The following SLC38A11 variants were observed in gnomAD, a reference collection of about 807,000 sequenced individuals.
The protein encoded by SLC38A11 is solute carrier family 38 member 11.
Under a neutral mutation model 49.4 loss-of-function variants are expected in SLC38A11, and 51 were observed. The observed-to-expected ratio is 1.03, with a 90% CI of 0.83 to 1.30. SLC38A11 has a LOEUF of 1.30. Among genes scored for constraint, SLC38A11 ranks in the 50% most tolerant of loss-of-function variants. The pLI, the probability that SLC38A11 is intolerant of heterozygous loss-of-function variation, is 0.00. For synonymous variants in SLC38A11, 203 were observed against 192.9 expected (o/e 1.05, Z -0.43); for missense variants, 574 against 556.2 (o/e 1.03, Z -0.32).
intron 9 of SLC38A11, among the ~76,000 whole-genome samples, chr2:164,914,053 G>A (rs865807823): frequency 1.3e-5 from 2 of 151,988 alleles, no homozygotes; most frequent in East Asian, 1.9e-4. Flanking sequence ...GAGGGTCATG[G>A]TTGACCAAAA....
Position 164,951,701 on chromosome 2 carries a change from A to G in SLC38A11, c.229+1006T>C, listed in dbSNP as rs74580801. ...TGGAGGATCTCTAGAAGCAGAGCTG[A>G]GACAGACATTCTTGGGCAAGGGGTC... On this transcript the variant is annotated intron_variant, in intron 3 of 11. Coordinates refer to ENST00000685975, the MANE Select transcript of SLC38A11 (RefSeq NM_001351537.2). Among the ~76,000 whole-genome samples, 180 of 152,294 alleles carry G rather than the reference A, an allele frequency of 1.2e-3. 13 individuals carry two copies. In the East Asian group the frequency reaches 0.034, roughly 29 times the overall value.
chr2:164,931,537 A>G (rs1026496797), intron 7 of SLC38A11, among the ~76,000 whole-genome samples: 3 of 152,178 alleles, frequency 2.0e-5, no homozygotes, highest in African/African-American at 4.8e-5. Context: ...AAAGGGCTAC[A>G]GTAAGCAAAA....
chr2:164,926,324 CA>C (rs2105479028), intron 7 of SLC38A11, among the ~76,000 whole-genome samples: 1 of 152,334 alleles, frequency 6.6e-6, no homozygotes, highest in East Asian at 1.9e-4. Flanking sequence ...TCTCTAGGCT[CA>C]TTTCCTTTTA....
At chr2:164,945,569 T>C (rs746189799) in intron 4 of SLC38A11, 24 bp downstream of exon 4, 7 of 1,575,106 alleles carry the variant, frequency 4.4e-6, no homozygotes, top group Admixed American at 4.2e-5. Flanking sequence ...ATAATTGCAA[T>C]ATTTATCTTC....
At position 164,915,960 on chromosome 2, in the gene SLC38A11, C is replaced by T. The variant is rs1404777362; in HGVS notation, c.631G>A (p.Asp211Asn). ...SLGPHIPKTE[D>N]AWVFAKPNAI... ...TTGGGCTTTGCAAATACCCAAGCGT[C>T]TTCTGTTTTTGGTCTAGAAGAAAAA... is the stretch of plus-strand genomic sequence containing the variant. Residue 211 changes from aspartate (D) to asparagine (N), a missense_variant, in exon 8 of 12, where the codon GAC becomes AAC. Transcript: ENST00000685975. 6.3e-7 allele frequency: 1 copy of T among 1,592,020 alleles called. No homozygotes were observed. Among genetic ancestry groups the T allele is most frequent in the African/African-American group, 1.3e-5 (1 of 74,772 alleles).
chr2:164,917,864 C>T (rs952031203), intron 7 of SLC38A11, among the ~76,000 whole-genome samples: 2 of 151,724 alleles, frequency 1.3e-5, no homozygotes, highest in African/African-American at 2.4e-5. Context: ...GGTATATTCC[C>T]GGAGTGTGAA....
At chr2:164,942,246 C>T (rs777065801) in intron 5 of SLC38A11, among the ~76,000 whole-genome samples, 4 of 151,782 alleles carry the variant, frequency 2.6e-5, no homozygotes, top group Non-Finnish European at 2.9e-5. Flanking sequence ...CTCAGGAGTT[C>T]GAGACAAGCC....
chr2:164,947,805 A>G (rs1688241345), intron 3 of SLC38A11, among the ~76,000 whole-genome samples: 1 of 152,180 alleles, frequency 6.6e-6, no homozygotes, highest in Non-Finnish European at 1.5e-5. Flanking sequence ...CATCAGAAAT[A>G]TTCAAATGTA....
At position 164,901,805 on chromosome 2, in the gene SLC38A11, C is replaced by A. The variant is rs538657925; in HGVS notation, c.1096-3075G>T. 1.1e-4 allele frequency among the ~76,000 whole-genome samples: 16 copies of A among 151,956 alleles called. No homozygotes were observed. In the South Asian group the frequency reaches 3.3e-3, roughly 32 times the overall value. ...CCAGTACTATGTTGAAGAGAAGTGG[C>A]GAGAGTGGGTATCCTTACCTTTTAT... On this transcript the variant is annotated intron_variant, in intron 11 of 11. Coordinates refer to ENST00000685975, the MANE Select transcript of SLC38A11 (RefSeq NM_001351537.2).
At chr2:164,942,400 T>C (rs1319464326) in intron 5 of SLC38A11, among the ~76,000 whole-genome samples, 2 of 139,254 alleles carry the variant, frequency 1.4e-5, no homozygotes, top group Non-Finnish European at 3.0e-5. Flanking sequence ...GCCACTGCAC[T>C]CTAGCCTGGG....
chr2:164,908,639 C>T lies in SLC38A11; in HGVS notation c.1095+1G>A, dbSNP rs1685184316. 6.5e-7 allele frequency: 1 copy of T among 1,543,574 alleles called. No individual in the cohort carries two copies. The highest frequency in any genetic ancestry group is 8.8e-7 in the Non-Finnish European group (1 of 1,140,180). ...AGGGGTAAATCTTTGCACGTACTCA[C>T]ATTGAGTTCTAGAACTATCCCGAGG... On this transcript the variant is annotated splice_donor_variant, in intron 11 of 11. Transcript: ENST00000685975. LOFTEE classifies it high-confidence loss of function.
intron 7 of SLC38A11, among the ~76,000 whole-genome samples, chr2:164,919,192 T>C (rs902529058): frequency 6.6e-6 from 1 of 151,986 alleles, no homozygotes; most frequent in African/African-American, 2.4e-5. Context: ...TAGCCAGGCA[T>C]GATGGTGTGT....
intron 7 of SLC38A11, among the ~76,000 whole-genome samples, chr2:164,920,372 A>G (rs576980776): frequency 2.6e-5 from 4 of 152,088 alleles, no homozygotes; most frequent in Non-Finnish European, 5.9e-5. Flanking sequence ...TTTAACTTAA[A>G]CCCCCATGCA....
At chr2:164,926,505 A>G (rs1300672055) in intron 7 of SLC38A11, among the ~76,000 whole-genome samples, 3 of 152,140 alleles carry the variant, frequency 2.0e-5, no homozygotes, top group Non-Finnish European at 2.9e-5. Context: ...GTGAAACAAT[A>G]CTAAGAGGTG....
chr2:164,918,336 T>C (rs1174696972), intron 7 of SLC38A11, among the ~76,000 whole-genome samples: 1 of 152,114 alleles, frequency 6.6e-6, no homozygotes, highest in Non-Finnish European at 1.5e-5. Flanking sequence ...ATAGCTGTTA[T>C]ATTAATAGAT....
chr2:164,942,088 C>T (rs1336810256), intron 5 of SLC38A11, among the ~76,000 whole-genome samples: 2 of 151,926 alleles, frequency 1.3e-5, no homozygotes, highest in African/African-American at 2.4e-5. Context: ...TCAAATAAAT[C>T]GGCGCTACTT....
chr2:164,943,704 C>G (rs909963733), intron 5 of SLC38A11, among the ~76,000 whole-genome samples: 1 of 152,174 alleles, frequency 6.6e-6, no homozygotes, highest in African/African-American at 2.4e-5. Flanking sequence ...GTGGCTCACA[C>G]TCCTGGGCTC....
At chr2:164,952,123 G>C (rs1422658473) in intron 3 of SLC38A11, among the ~76,000 whole-genome samples, 1 of 152,184 alleles carries the variant, frequency 6.6e-6, no homozygotes, top group Admixed American at 6.5e-5. Context: ...ATTTAAATGG[G>C]AGAGTGACAA....
chr2:164,923,459 G>T (rs1686349125), intron 7 of SLC38A11, among the ~76,000 whole-genome samples: 1 of 152,016 alleles, frequency 6.6e-6, no homozygotes, highest in East Asian at 1.9e-4. Context: ...AATAGCCAAT[G>T]AACATATGAA....
Sources: gnomAD v4.1 joint callset for allele counts (sites outside exome capture counted in the v4.1 genomes callset) on GRCh38, gnomAD v4.1.1 for gene constraint, MANE v1.5 for transcripts, NCBI Gene and HGNC (gene_info 2026-07-23, HGNC 2026-07-21) for gene names.